Variants in CDKAL1 observed in about 807,000 individuals in gnomAD.
The protein encoded by CDKAL1 is CDKAL1 threonylcarbamoyladenosine tRNA methylthiotransferase.
In CDKAL1, 32 loss-of-function variants were observed where a neutral mutation model predicts 68.2. The ratio of observed to expected loss-of-function variants is 0.47; its 90% CI spans 0.35 to 0.63. The LOEUF is 0.63. Among genes scored for constraint, CDKAL1 ranks in the 30% least tolerant of loss-of-function variants. The pLI, the probability that CDKAL1 is intolerant of heterozygous loss-of-function variation, is 0.00. For missense variants in CDKAL1, 606 were observed against 696.7 expected, an observed-to-expected ratio of 0.87 and a Z score of 1.47; for synonymous variants, 234 against 244.3, an observed-to-expected ratio of 0.96 and a Z score of 0.39.
At chr6:20,613,035 ACACACACAC>A (rs1561966418) in intron 4 of CDKAL1, among the ~76,000 whole-genome samples, 1 of 132,452 alleles carries the variant, frequency 7.5e-6, no homozygotes, top group Non-Finnish European at 1.6e-5. Flanking sequence ...ACACACACAC[ACACACACAC>A]AAAGGGTATG....
intron 12 of CDKAL1, among the ~76,000 whole-genome samples, chr6:21,102,455 TC>T (rs1316460324): frequency 6.6e-6 from 1 of 152,196 alleles, no homozygotes; most frequent in East Asian, 1.9e-4. Flanking sequence ...ACTGGCTTCT[TC>T]ATTTCCTATC....
rs1581461057 is a variant in CDKAL1, at chr6:20,729,349, A to G, written c.372-10170A>G. Among the ~76,000 whole-genome samples, 3 of 152,092 alleles carry G rather than the reference A, an allele frequency of 2.0e-5. No individual in the cohort carries two copies. In the South Asian group the frequency reaches 6.2e-4, roughly 32 times the overall value. On this transcript the variant is annotated intron_variant, in intron 5 of 15. Coordinates refer to ENST00000274695, the MANE Select transcript of CDKAL1 (RefSeq NM_017774.3). Reference sequence around the variant, plus strand: ...TGCTCTGTTTTGGTGTCAGGCTTTGAGAGTTTCTTCTTTTTTTTCTTAATG... The same window carrying G: ...TGCTCTGTTTTGGTGTCAGGCTTTGGGAGTTTCTTCTTTTTTTTCTTAATG...
At chr6:21,026,873 C>G (rs1768988670) in intron 11 of CDKAL1, among the ~76,000 whole-genome samples, 1 of 152,170 alleles carries the variant, frequency 6.6e-6, no homozygotes, top group African/African-American at 2.4e-5. Context: ...TAATGACTAA[C>G]TGCCAAGGGT....
intron 9 of CDKAL1, among the ~76,000 whole-genome samples, chr6:20,910,532 G>C (rs1762423452): frequency 6.6e-6 from 1 of 152,200 alleles, no homozygotes; most frequent in Non-Finnish European, 1.5e-5. Flanking sequence ...GGGCCAGATA[G>C]AGTCTGTCTG....
intron 10 of CDKAL1, among the ~76,000 whole-genome samples, chr6:20,959,533 A>G (rs1339609235): frequency 6.6e-6 from 1 of 151,110 alleles, no homozygotes; most frequent in East Asian, 1.9e-4. Context: ...TGCCCTAATG[A>G]TATCTCCTCT....
At chr6:21,026,628 AG>A (rs1277865756) in intron 11 of CDKAL1, among the ~76,000 whole-genome samples, 1 of 152,152 alleles carries the variant, frequency 6.6e-6, no homozygotes, top group Non-Finnish European at 1.5e-5. Flanking sequence ...CACATTCAGG[AG>A]GGCAATAATC....
chr6:21,068,041 TGTTGGTTTACCA>T (rs70990094), intron 12 of CDKAL1, among the ~76,000 whole-genome samples: 100,824 of 151,602 alleles, frequency 0.67, 34,513 homozygotes, highest in African/African-American at 0.83. Flanking sequence ...CCCATCTACC[TGTTGGTTTACCA>T]GTTGGATTTA....
chr6:21,050,316 A>G (rs1770473678), intron 11 of CDKAL1, among the ~76,000 whole-genome samples: 1 of 152,200 alleles, frequency 6.6e-6, no homozygotes, highest in African/African-American at 2.4e-5. Context: ...CTGGCTGGCA[A>G]CGCCCTGCCT....
intron 5 of CDKAL1, among the ~76,000 whole-genome samples, chr6:20,676,611 G>GCC (rs1770115138): frequency 6.6e-6 from 1 of 151,710 alleles, no homozygotes; most frequent in Admixed American, 6.6e-5. Context: ...AGCTTGCAGT[G>GCC]ACCCAAGATT....
chr6:20,822,788 TTTCCC>T (rs2150445152), intron 8 of CDKAL1, among the ~76,000 whole-genome samples: 1 of 152,274 alleles, frequency 6.6e-6, no homozygotes, highest in South Asian at 2.1e-4. Context: ...AGTGCCTTGC[TTTCCC>T]TTCACCTTCC....
At chr6:20,688,919 C>T (rs1472320703) in intron 5 of CDKAL1, among the ~76,000 whole-genome samples, 1 of 152,220 alleles carries the variant, frequency 6.6e-6, no homozygotes, top group South Asian at 2.1e-4. Flanking sequence ...CTGTAATCCA[C>T]TGATTAGGTC....
intron 11 of CDKAL1, among the ~76,000 whole-genome samples, chr6:21,058,211 A>C (rs1770943160): frequency 6.6e-6 from 1 of 152,184 alleles, no homozygotes; most frequent in Non-Finnish European, 1.5e-5. Context: ...TTGGGTGCAT[A>C]TATATTTAGG....
At chr6:20,913,126 C>CAT (rs1239215788) in intron 9 of CDKAL1, among the ~76,000 whole-genome samples, 2 of 134,370 alleles carry the variant, frequency 1.5e-5, no homozygotes, top group African/African-American at 3.4e-5. Flanking sequence ...TACACACACA[C>CAT]ACACACACAC....
intron 14 of CDKAL1, among the ~76,000 whole-genome samples, chr6:21,199,265 T>A (rs1270594335): frequency 6.6e-6 from 1 of 152,142 alleles, no homozygotes; most frequent in Non-Finnish European, 1.5e-5. Context: ...CCCCAGGGAA[T>A]CATCTCAGAC....
intron 13 of CDKAL1, among the ~76,000 whole-genome samples, chr6:21,118,276 C>T (rs1445166252): frequency 1.3e-5 from 2 of 152,172 alleles, no homozygotes; most frequent in Non-Finnish European, 2.9e-5. Flanking sequence ...AGTGAGGAGG[C>T]CGTTACTGCT....
intron 8 of CDKAL1, among the ~76,000 whole-genome samples, chr6:20,814,407 G>A (rs549553555): frequency 7.9e-5 from 12 of 152,128 alleles, no homozygotes; most frequent in African/African-American, 2.2e-4. Flanking sequence ...CTAGTGATCC[G>A]CTTCTGGGAC....
At chr6:21,054,500 A>G (rs933729866) in intron 11 of CDKAL1, among the ~76,000 whole-genome samples, 3 of 152,094 alleles carry the variant, frequency 2.0e-5, no homozygotes, top group African/African-American at 7.2e-5. Context: ...ACTTGCTGTT[A>G]TTTTGATAGG....
chr6:21,087,182 C>CA (rs1393981044), intron 12 of CDKAL1, among the ~76,000 whole-genome samples: 1 of 152,194 alleles, frequency 6.6e-6, no homozygotes, highest in Non-Finnish European at 1.5e-5. Context: ...CAAGGGATGC[C>CA]AGATGTCATT....
chr6:20,989,196 T>TC (rs1766660056), intron 10 of CDKAL1, among the ~76,000 whole-genome samples: 1 of 152,160 alleles, frequency 6.6e-6, no homozygotes, highest in South Asian at 2.1e-4. Context: ...CTCAAACTGT[T>TC]CCGCAGACTG....
Sources: allele counts gnomAD v4.1 joint callset (sites outside exome capture counted in the v4.1 genomes callset), GRCh38; gene constraint gnomAD v4.1.1; transcripts MANE v1.5; gene names NCBI Gene and HGNC (gene_info 2026-07-23, HGNC 2026-07-21).